Variants in ATP10D observed in about 807,000 individuals in gnomAD.
ATP10D encodes ATPase phospholipid transporting 10D (putative), also known as phospholipid-transporting ATPase VD.
ATP10D carries 89 observed loss-of-function variants against 144.8 expected under a neutral mutation model. That is an observed-to-expected ratio of 0.61 (90% CI 0.52 to 0.73). The LOEUF is 0.73. ATP10D is among the 30% of genes least tolerant of loss of function. The pLI is 0.00. For synonymous variants in ATP10D, 571 were observed against 615.1 expected, an observed-to-expected ratio of 0.93 and a Z score of 1.06; for missense variants, 1,603 against 1,714.8, an observed-to-expected ratio of 0.93 and a Z score of 1.15.
intron 14 of ATP10D, among the ~76,000 whole-genome samples, chr4:47,562,656 G>A (rs28498302): frequency 0.027 from 4,049 of 152,096 alleles, 170 homozygotes; most frequent in African/African-American, 0.089. Context: ...ACTGAAAATG[G>A]AATTACCGTT....
chr4:47,539,169 T>C (rs1718005005), intron 9 of ATP10D, among the ~76,000 whole-genome samples: 1 of 152,198 alleles, frequency 6.6e-6, no homozygotes, highest in Non-Finnish European at 1.5e-5. Flanking sequence ...TCAATTATTA[T>C]GAATATTATG....
chr4:47,535,965 G>A lies in ATP10D; in HGVS notation c.947G>A (p.Arg316Lys), dbSNP rs764802901. 6.2e-7 allele frequency: 1 copy of A among 1,613,186 alleles called. No individual in the cohort carries two copies. The highest frequency in any genetic ancestry group is 8.5e-7 in the Non-Finnish European group (1 of 1,179,362). Residue 316 changes from arginine (R) to lysine (K), a missense_variant, in exon 7 of 23, where the codon AGA becomes AAA. Arg to Lys is a conservative substitution (Grantham distance 26). Transcript: ENST00000273859. ...CGGTATAAGCGCAGCAAATTAGAAA[G>A]AAGAGCAAACACAGATGTCCTCTGG... ...GPRYKRSKLE[R>K]RANTDVLWCV...
At chr4:47,525,437 T>G in intron 4 of ATP10D, 120 bp from the exon 5 acceptor site, 1 of 703,004 alleles carries the variant, frequency 1.4e-6, no homozygotes, top group Non-Finnish European at 2.4e-6. Context: ...AAATTCATGA[T>G]ATGAACTTCA....
intron 3 of ATP10D, 41 bp from the exon 4 acceptor site, chr4:47,522,971 C>A (rs1215920658): frequency 6.8e-7 from 1 of 1,474,782 alleles, no homozygotes; most frequent in South Asian, 1.3e-5. Flanking sequence ...GTATTTTTCA[C>A]TTGATATTCT....
rs5021720 is a variant in ATP10D at position 47,522,991 on chromosome 4, T to A, written c.486-21T>A. ...TTTCACTTGATATTCTTTTTTTTTT[T>A]TAACTTTTTTTTAATTACAGGAAAG... is the stretch of plus-strand genomic sequence containing the variant. On this transcript the variant is annotated intron_variant, in intron 3 of 22. Transcript: ENST00000273859. 7,320 of 1,539,950 alleles carry A rather than the reference T, an allele frequency of 4.8e-3. 287 individuals carry two copies. The African/African-American group carries it at 0.091, about 19-fold the overall frequency.
Position 47,591,136 on chromosome 4 carries a change from G to A in ATP10D, c.4036G>A (p.Ala1346Thr). The part of the protein sequence containing the change: ...DRLTPEERTK[A>T]LKKWRGAGKM... ...ACTAACTCCAGAGGAGAGGACTAAA[G>A]CTCTCAAGAAGTGGAGAGGGGCTGG... The change falls in exon 23 of 23, where the codon GCT (alanine) becomes ACT (threonine). Residue 1346 changes from alanine (A) to threonine (T), a missense_variant. Coordinates refer to ENST00000273859, the MANE Select transcript of ATP10D (RefSeq NM_020453.4). 6.2e-7 allele frequency: 1 copy of A among 1,613,488 alleles called. No individual in the cohort carries two copies. The highest frequency in any genetic ancestry group is 1.1e-5 in the South Asian group (1 of 91,072).
At chr4:47,491,395 C>T in intron 1 of ATP10D, 1 of 727,904 alleles carries the variant, frequency 1.4e-6, no homozygotes. Flanking sequence ...GGAACAACTC[C>T]ATGTTTTCTA....
Position 47,512,719 on chromosome 4 carries a change from T to G in ATP10D, c.179T>G (p.Phe60Cys). The change falls in exon 2 of 23, where the codon TTC becomes TGC. Residue 60 changes from phenylalanine to cysteine, a missense_variant. Coordinates refer to ENST00000273859, the MANE Select transcript of ATP10D (RefSeq NM_020453.4). ...ATTGTTGTTCCCCACATCCAGCCCTTCAAGGATGAGTATGAGAAGTTCTCC... is the reference window on the plus strand; with the variant it reads ...ATTGTTGTTCCCCACATCCAGCCCTGCAAGGATGAGTATGAGAAGTTCTCC... The part of the protein sequence containing the change: ...HRIVVPHIQP[F>C]KDEYEKFSGA... 6.2e-7 allele frequency: 1 copy of G among 1,614,210 alleles called. No individual in the cohort carries two copies. The highest frequency in any genetic ancestry group is 8.5e-7 in the Non-Finnish European group (1 of 1,180,014).
intron 16 of ATP10D, among the ~76,000 whole-genome samples, chr4:47,571,366 CTT>C (rs952219484): frequency 1.3e-5 from 2 of 148,962 alleles, no homozygotes; most frequent in African/African-American, 4.9e-5. Flanking sequence ...TATATTATAA[CTT>C]ATAATAATAT....
chr4:47,589,899 T>C (rs1355715819), intron 22 of ATP10D, among the ~76,000 whole-genome samples: 1 of 152,150 alleles, frequency 6.6e-6, no homozygotes, highest in Non-Finnish European at 1.5e-5. Flanking sequence ...TTTTATAATA[T>C]GAAAACAATC....
intron 10 of ATP10D, among the ~76,000 whole-genome samples, chr4:47,550,260 C>G (rs921544862): frequency 6.6e-6 from 1 of 152,056 alleles, no homozygotes; most frequent in Non-Finnish European, 1.5e-5. Context: ...TGCTGCTTCT[C>G]TCTGTTTTAA....
chr4:47,491,151 G>T, intron 1 of ATP10D: 1 of 738,228 alleles, frequency 1.4e-6, no homozygotes, highest in Non-Finnish European at 2.5e-6. Flanking sequence ...TGCGTTTCAG[G>T]AAGGTATCTC....
At chr4:47,501,033 G>T (rs1285614322) in intron 1 of ATP10D, among the ~76,000 whole-genome samples, 3 of 152,178 alleles carry the variant, frequency 2.0e-5, no homozygotes, top group African/African-American at 7.2e-5. Flanking sequence ...GTAGGTACTG[G>T]AACAGAGTAC....
intron 18 of ATP10D, among the ~76,000 whole-genome samples, chr4:47,573,454 C>T (rs774404840): frequency 6.6e-6 from 1 of 152,194 alleles, no homozygotes. Context: ...TATGTCTTAG[C>T]GTGTAGCTGG....
In ATP10D at chr4:47,525,431, T is replaced by G; in HGVS notation, c.691-126T>G. On this transcript the variant is annotated intron_variant, in intron 4 of 22. Coordinates refer to ENST00000273859, the MANE Select transcript of ATP10D (RefSeq NM_020453.4). ...CTCTACTTTCCTTCCTTTGGGAAAT[T>G]CATGATATGAACTTCATTGCAAAAA... The G allele has an allele frequency of 4.4e-6, 3 of 684,734 alleles. No homozygotes were observed. The East Asian group carries it at 8.5e-5, about 19-fold the overall frequency. 42.4% of individuals were successfully genotyped at this position (684,734 alleles called of 1,614,324 possible).
chr4:47,591,416 G>C lies in ATP10D; in HGVS notation c.*35G>C. 1 of 1,505,684 alleles carries C rather than the reference G, an allele frequency of 6.6e-7. No individual in the cohort carries two copies. The highest frequency in any genetic ancestry group is 9.0e-7 in the Non-Finnish European group (1 of 1,116,008). The allele number at this position is 1,505,684 out of a possible 1,614,324, so 93.3% of individuals were successfully genotyped here. A position where few individuals can be genotyped will look rare whatever the true frequency, so the allele number is the denominator to read the frequency against. On this transcript the variant is annotated 3_prime_UTR_variant, in exon 23 of 23. Transcript: ENST00000273859. The stretch of plus-strand genomic sequence containing the variant: ...TTGGAGTTGCAAGTATTCTTTCAAG[G>C]TTGGAAGAGGGATTTTGAAGAGGTA...
At chr4:47,580,032 T>G (rs1477639563) in intron 19 of ATP10D, among the ~76,000 whole-genome samples, 1 of 152,132 alleles carries the variant, frequency 6.6e-6, no homozygotes, top group Non-Finnish European at 1.5e-5. Context: ...TGATGGTGAA[T>G]TGGAATGAAG....
chr4:47,554,585 A>G (rs566616538), intron 10 of ATP10D, 141 bp from the exon 11 acceptor site: 2 of 627,792 alleles, frequency 3.2e-6, no homozygotes, highest in Admixed American at 6.6e-5. Context: ...CACGATATAC[A>G]TTACAATTGT....
intron 10 of ATP10D, among the ~76,000 whole-genome samples, chr4:47,549,627 A>G (rs1055113867): frequency 6.6e-6 from 1 of 152,250 alleles, no homozygotes; most frequent in South Asian, 2.1e-4. Context: ...TGTTCTAGAT[A>G]GAGAAGAGAG....
Sources: allele counts gnomAD v4.1 joint callset (sites outside exome capture counted in the v4.1 genomes callset), GRCh38; gene constraint gnomAD v4.1.1; transcripts MANE v1.5; gene names NCBI Gene and HGNC (gene_info 2026-07-23, HGNC 2026-07-21).